Variants in CELF2 observed in about 807,000 individuals in gnomAD.
CELF2 encodes CUGBP Elav-like family member 2.
A neutral mutation model predicts 62.6 loss-of-function variants in CELF2; 8 were observed. The observed-to-expected ratio is 0.13, with a 90% CI of 0.07 to 0.23. CELF2 has a LOEUF of 0.23. CELF2 is among the 10% of genes least tolerant of loss of function. The pLI is 1.00. For missense variants in CELF2, 333 were observed against 671.0 expected, an observed-to-expected ratio of 0.50 and a Z score of 5.56; for synonymous variants, 258 against 250.0, an observed-to-expected ratio of 1.03 and a Z score of -0.30.
intron 4 of CELF2, among the ~76,000 whole-genome samples, chr10:11,253,984 C>T (rs1158069836): frequency 2.0e-5 from 3 of 151,960 alleles, no homozygotes; most frequent in East Asian, 1.9e-4. Flanking sequence ...GAACACAGTG[C>T]GTTTCATTTA....
the CELF2 span, among the ~76,000 whole-genome samples, chr10:10,705,366 T>TA: frequency 0.044 from 5,845 of 134,002 alleles, 276 homozygotes; most frequent in Admixed American, 0.1. Flanking sequence ...CCTTCCCTAT[T>TA]AAAAAAAAAA....
intron 1 of CELF2, among the ~76,000 whole-genome samples, chr10:11,163,090 C>T (rs1268982672): frequency 1.3e-5 from 2 of 152,236 alleles, no homozygotes; most frequent in East Asian, 1.9e-4. Flanking sequence ...ACTTCCCTTA[C>T]TTGATGCATC....
At position 11,211,791 on chromosome 10, in the gene CELF2, TGA is replaced by T. The variant is rs144030698; in HGVS notation, c.272-5612_272-5611del. ...GAGTGAGAGTGTGTGTGTATGTGTG[TGA>T]GAGAGAGAGAGAGAGAGAGAGTGTG... On this transcript the variant is annotated intron_variant, in intron 2 of 12. Coordinates refer to ENST00000633077, the MANE Select transcript of CELF2 (RefSeq NM_001326342.2). This position sits in a 1 kb window ranked among gnomAD's most constrained non-coding sequence, Gnocchi z 4.8. Among the ~76,000 whole-genome samples the T allele has an allele frequency of 0.038, 5,105 of 135,280 alleles. 110 individuals are homozygous for T. The highest frequency in any genetic ancestry group is 0.048 in the Non-Finnish European group (3,047 of 63,456). 88.7% of individuals were successfully genotyped at this position (135,280 alleles called of 152,430 possible).
intron 1 of CELF2, among the ~76,000 whole-genome samples, chr10:11,113,016 G>A (rs1013899223): frequency 6.6e-6 from 1 of 152,202 alleles, no homozygotes; most frequent in Non-Finnish European, 1.5e-5. Context: ...TAAACGCAAT[G>A]CATTTCCACA....
rs143324079 is a variant in CELF2 at position 11,315,755 on chromosome 10, A to G, written c.1096+1497A>G. Among the ~76,000 whole-genome samples the G allele has an allele frequency of 2.3e-4, 35 of 152,316 alleles. No individual in the cohort carries two copies. Among genetic ancestry groups the G allele is most frequent in the African/African-American group, 8.4e-4 (35 of 41,562 alleles). On this transcript the variant is annotated intron_variant, in intron 10 of 12. Transcript: ENST00000633077. This position sits in a 1 kb window ranked among gnomAD's most constrained non-coding sequence, Gnocchi z 5.8. Reference sequence around the variant, plus strand: ...CGCCTCCAGCTTTGACTTTTCCAGCAGCCAAGTAGGAGCCTCACTGCCTTG... The same window carrying G: ...CGCCTCCAGCTTTGACTTTTCCAGCGGCCAAGTAGGAGCCTCACTGCCTTG...
intron 2 of CELF2, among the ~76,000 whole-genome samples, chr10:11,198,569 G>A (rs1350638849): frequency 6.6e-6 from 1 of 152,194 alleles, no homozygotes; most frequent in Non-Finnish European, 1.5e-5. Flanking sequence ...GATGCTTACA[G>A]TTTTCTTTTG....
intron 7 of CELF2, among the ~76,000 whole-genome samples, chr10:11,271,573 T>G (rs1326326849): frequency 6.6e-6 from 1 of 152,180 alleles, no homozygotes; most frequent in Non-Finnish European, 1.5e-5. Flanking sequence ...CTCCAGAGAT[T>G]TTATTTTTAC....
the CELF2 span, among the ~76,000 whole-genome samples, chr10:10,558,585 GATTGGA>G: frequency 2.0e-5 from 3 of 151,774 alleles, no homozygotes; most frequent in Admixed American, 6.6e-5. Context: ...TTTTTCTATT[GATTGGA>G]ATAGTTTCAG....
rs1273388943 is a variant in CELF2, at chr10:10,798,849, GT to G, written c.53+35del. 7.5e-6 allele frequency: 3 copies of G among 398,844 alleles called. No homozygotes were observed. The East Asian group carries it at 1.1e-4, about 14-fold the overall frequency. 24.7% of individuals were successfully genotyped at this position (398,844 alleles called of 1,614,324 possible). A position where few individuals can be genotyped will look rare whatever the true frequency, so the allele number is the denominator to read the frequency against. ...CTGCTTTGCTTTCTCTTGCATCCTG[GT>G]TTGAGTTCATAGCCAAGGCCCTGCT... On this transcript the variant is annotated intron_variant, in intron 1 of 13. Coordinates refer to the CELF2 transcript ENST00000636488.
intron 1 of CELF2, chr10:11,092,377 G>C (rs1024837498): frequency 2.0e-5 from 3 of 152,170 alleles, no homozygotes; most frequent in Admixed American, 6.5e-5. Flanking sequence ...CTCAGGCCTT[G>C]GTCCCCTTAT....
the CELF2 span, among the ~76,000 whole-genome samples, chr10:10,527,207 C>CGAGGCGGGTGGATAACTT: frequency 6.6e-6 from 1 of 152,014 alleles, no homozygotes; most frequent in Non-Finnish European, 1.5e-5. Flanking sequence ...TTTGGGAGGC[C>CGAGGCGGGTGGATAACTT]GAGGCGGGTG....
chr10:10,950,125 CT>C (rs2048158084), intron 2 of CELF2, among the ~76,000 whole-genome samples: 2 of 152,198 alleles, frequency 1.3e-5, no homozygotes, highest in African/African-American at 4.8e-5. Flanking sequence ...GGGTTTGCAG[CT>C]TCCCTGGGTT....
In CELF2 at chr10:11,140,407, C is replaced by T. The variant is rs568065888; in HGVS notation, c.75-25079C>T. ...AGGAGTGAGTCACCATGCCCAACTC[C>T]GTCTTTAGACATTTAAGTGCCCCAT... On this transcript the variant is annotated intron_variant, in intron 1 of 12. Coordinates refer to ENST00000633077, the MANE Select transcript of CELF2 (RefSeq NM_001326342.2). Among the ~76,000 whole-genome samples, 56 of 152,008 alleles carry T rather than the reference C, an allele frequency of 3.7e-4. 1 individual carries two copies. Among genetic ancestry groups the T allele is most frequent in the Admixed American group, 6.6e-4 (10 of 15,254 alleles).
At chr10:10,566,567 C>T in the CELF2 span, among the ~76,000 whole-genome samples, 4 of 132,020 alleles carry the variant, frequency 3.0e-5, no homozygotes, top group Non-Finnish European at 4.8e-5. Context: ...ATCCCTCCCC[C>T]CTCCCCCGAC....
the CELF2 span, among the ~76,000 whole-genome samples, chr10:10,513,538 C>T: frequency 6.6e-6 from 1 of 152,056 alleles, no homozygotes; most frequent in South Asian, 2.1e-4. Flanking sequence ...ATGACATAAA[C>T]ACCAAAAATA....
the CELF2 span, among the ~76,000 whole-genome samples, chr10:10,740,706 T>C: frequency 6.6e-6 from 1 of 152,272 alleles, no homozygotes; most frequent in African/African-American, 2.4e-5. Flanking sequence ...GATAAAGAAA[T>C]ATATGTATGT....
Position 11,217,486 on chromosome 10 carries a change from C to T in CELF2, c.333C>T (p.His111=). 2.0e-5 allele frequency: 33 copies of T among 1,612,102 alleles called. No homozygotes were observed. The highest frequency in any genetic ancestry group is 2.8e-5 in the Non-Finnish European group (33 of 1,178,454). ...KAALEAQNAL[H]NIKTLPGMHH... ...CACTTGAGGCCCAGAATGCACTGCA[C>T]AATATTAAAACTTTACCTGGGGTGA... Residue 111 remains histidine, a synonymous_variant, in exon 3 of 13, where the codon CAC becomes CAT. Transcript: ENST00000633077. The surrounding 1 kb of genome is among the most constrained non-coding windows in gnomAD (Gnocchi z 5.6).
At chr10:10,978,709 G>C (rs1354070043) in intron 2 of CELF2, among the ~76,000 whole-genome samples, 1 of 152,186 alleles carries the variant, frequency 6.6e-6, no homozygotes, top group African/African-American at 2.4e-5. Flanking sequence ...AAATTGGCAA[G>C]ACTCAACCAC....
intron 2 of CELF2, among the ~76,000 whole-genome samples, chr10:11,184,913 A>G (rs774953490): frequency 1.4e-4 from 21 of 151,828 alleles, no homozygotes; most frequent in Non-Finnish European, 2.8e-4. Flanking sequence ...TCCACTATGG[A>G]GGTGAATAGA....
Sources: gnomAD v4.1 joint callset for allele counts (sites outside exome capture counted in the v4.1 genomes callset) on GRCh38, gnomAD v4.1.1 for gene constraint, Gnocchi (gnomAD v3.1) non-coding constraint, MANE v1.5 for transcripts, NCBI Gene and HGNC (gene_info 2026-07-23, HGNC 2026-07-21) for gene names.